MORC1: variants seen among roughly 807,000 people sequenced by gnomAD.
MORC1 encodes MORC family CW-type zinc finger protein 1.
Under a neutral mutation model 134.9 loss-of-function variants are expected in MORC1, and 59 were observed. The ratio of observed to expected loss-of-function variants is 0.44; its 90% CI spans 0.35 to 0.54. The LOEUF (loss-of-function observed/expected upper bound fraction) is 0.54, where lower values mean the gene tolerates loss of function less well. Among genes scored for constraint, MORC1 ranks in the 20% least tolerant of loss-of-function variants. The pLI is 0.00. For synonymous variants in MORC1, 395 were observed against 391.7 expected, an observed-to-expected ratio of 1.01 and a Z score of -0.10; for missense variants, 947 against 1,134.5, an observed-to-expected ratio of 0.83 and a Z score of 2.37.
At position 109,035,483 on chromosome 3, in the gene MORC1, AG is replaced by A. The variant is rs1479207905; in HGVS notation, c.1331-16del. The A allele has an allele frequency of 2.8e-6, 4 of 1,414,988 alleles. No homozygotes were observed. In the Admixed American group the frequency reaches 7.5e-5, roughly 26 times the overall value. The allele number at this position is 1,414,988 out of a possible 1,614,324, so 87.7% of individuals were successfully genotyped here. On this transcript the variant is annotated splice_polypyrimidine_tract_variant and intron_variant, in intron 14 of 27. Transcript: ENST00000232603. ...ATTTCTATTATCTTTTAAAAAAAAAAGCAGGCAAAGAATAACAAAAAAAAAT... is the reference window on the plus strand; with the variant it reads ...ATTTCTATTATCTTTTAAAAAAAAAACAGGCAAAGAATAACAAAAAAAAAT...
chr3:108,983,955 G>A (rs577865193), intron 23 of MORC1, among the ~76,000 whole-genome samples: 13 of 152,220 alleles, frequency 8.5e-5, no homozygotes, highest in African/African-American at 3.1e-4. Flanking sequence ...GAGAGAAGAG[G>A]ATCTGTGCCA....
chr3:108,972,485 C>T (rs2593945), intron 24 of MORC1, among the ~76,000 whole-genome samples: 57 of 152,222 alleles, frequency 3.7e-4, no homozygotes, highest in African/African-American at 1.3e-3. Context: ...AACCGAAAAG[C>T]TGAAAATTCT....
intron 17 of MORC1, among the ~76,000 whole-genome samples, chr3:109,012,333 C>T (rs1168684194): frequency 6.6e-6 from 1 of 152,180 alleles, no homozygotes. Context: ...CAATACCACA[C>T]TGACTTAATT....
chr3:109,006,943 A>T, intron 18 of MORC1, 86 bp downstream of exon 18: 1 of 1,061,860 alleles, frequency 9.4e-7, no homozygotes, highest in Non-Finnish European at 1.4e-6. Context: ...CTCATAAACC[A>T]TGATGACAGT....
At chr3:109,036,937 G>A (rs545236081) in intron 14 of MORC1, among the ~76,000 whole-genome samples, 6 of 152,222 alleles carry the variant, frequency 3.9e-5, no homozygotes, top group Admixed American at 2.6e-4. Flanking sequence ...CTAATCTGCC[G>A]TGTTGACTTA....
At chr3:109,009,789 T>G (rs1291929728) in intron 17 of MORC1, among the ~76,000 whole-genome samples, 2 of 152,114 alleles carry the variant, frequency 1.3e-5, no homozygotes, top group Non-Finnish European at 1.5e-5. Flanking sequence ...CTGGGGACAG[T>G]TTTTCCCTAT....
At chr3:109,072,201 A>C (rs1950334101) in intron 8 of MORC1, among the ~76,000 whole-genome samples, 1 of 152,122 alleles carries the variant, frequency 6.6e-6, no homozygotes, top group African/African-American at 2.4e-5. Context: ...TTAATTCTCC[A>C]GTCTCATCTC....
chr3:109,013,616 G>A (rs545471884), intron 17 of MORC1, among the ~76,000 whole-genome samples: 1 of 152,102 alleles, frequency 6.6e-6, no homozygotes, highest in Non-Finnish European at 1.5e-5. Context: ...ATATGCTACC[G>A]CTGGGCTCTT....
chr3:109,061,414 A>G (rs531965805), intron 11 of MORC1, among the ~76,000 whole-genome samples: 6 of 152,276 alleles, frequency 3.9e-5, no homozygotes, highest in African/African-American at 1.4e-4. Flanking sequence ...TATCTTACTC[A>G]TGGGCATATT....
rs114569817 is a variant in MORC1, at chr3:109,060,020, T to C, written c.967-150A>G. The C allele has an allele frequency of 1.6e-3, 1,031 of 640,748 alleles. 20 individuals carry two copies. In the African/African-American group the frequency reaches 0.018, roughly 11 times the overall value. 39.7% of individuals were successfully genotyped at this position (640,748 alleles called of 1,614,324 possible). ...ACCATCATAGATTCTCAATACTTGA[T>C]AAATTATTCAGTTCCAATACTTTAG... is the stretch of plus-strand genomic sequence containing the variant. On this transcript the variant is annotated intron_variant, in intron 11 of 27. Coordinates refer to ENST00000232603, the MANE Select transcript of MORC1 (RefSeq NM_014429.4).
intron 20 of MORC1, among the ~76,000 whole-genome samples, chr3:109,001,803 C>T (rs1210468605): frequency 6.6e-6 from 1 of 152,118 alleles, no homozygotes; most frequent in Non-Finnish European, 1.5e-5. Flanking sequence ...CTATTTAAAC[C>T]TCACCTCTGA....
intron 8 of MORC1, among the ~76,000 whole-genome samples, chr3:109,070,462 A>G (rs1950294047): frequency 6.6e-6 from 1 of 152,170 alleles, no homozygotes; most frequent in Non-Finnish European, 1.5e-5. Flanking sequence ...ACTCCAGGGA[A>G]CTTCTATATT....
intron 14 of MORC1, among the ~76,000 whole-genome samples, chr3:109,043,446 T>C (rs1949608636): frequency 1.3e-5 from 2 of 152,132 alleles, no homozygotes; most frequent in African/African-American, 2.4e-5. Flanking sequence ...GGGTATAGCA[T>C]TTTAGTTGTG....
In MORC1 at chr3:108,979,562, T is replaced by C. The variant is rs1452768556; in HGVS notation, c.2430A>G (p.Gln810=). 3 of 1,614,058 alleles carry C rather than the reference T, an allele frequency of 1.9e-6. No individual in the cohort carries two copies. The Admixed American group carries it at 5.0e-5, about 27-fold the overall frequency. ...CKVASSPASS[Q]STPVKETVRK... ...TCACTGTTTCCTTGACAGGTGTGCT[T>C]TGAGAAGACGCTGGCGAAGAAGCAA... Residue 810 remains glutamine, a synonymous_variant, in exon 24 of 28, where the codon CAA becomes CAG. Transcript: ENST00000232603.
At chr3:109,010,139 T>C (rs1948649486) in intron 17 of MORC1, among the ~76,000 whole-genome samples, 2 of 152,170 alleles carry the variant, frequency 1.3e-5, no homozygotes, top group South Asian at 4.1e-4. Flanking sequence ...TCTCTCTCTC[T>C]TCTCCCTCTT....
At chr3:108,961,569 C>T (rs1013336285) in intron 27 of MORC1, among the ~76,000 whole-genome samples, 1 of 152,166 alleles carries the variant, frequency 6.6e-6, no homozygotes, top group Non-Finnish European at 1.5e-5. Context: ...CTGCTGTACT[C>T]TACGGCAGTG....
chr3:108,982,938 GT>G (rs59003713), intron 23 of MORC1, among the ~76,000 whole-genome samples: 62,519 of 144,816 alleles, frequency 0.43, 13,823 homozygotes, highest in Middle Eastern at 0.58. Flanking sequence ...ACTAGTTTTG[GT>G]TTTTTTTTAA....
chr3:109,007,824 T>G (rs887052473), intron 17 of MORC1, among the ~76,000 whole-genome samples: 1 of 152,348 alleles, frequency 6.6e-6, no homozygotes, highest in Admixed American at 6.5e-5. Flanking sequence ...GAAGCCTCTT[T>G]ACTACTTCAT....
chr3:108,962,293 G>T (rs1168312964), intron 27 of MORC1, among the ~76,000 whole-genome samples: 1 of 149,516 alleles, frequency 6.7e-6, no homozygotes, highest in Non-Finnish European at 1.5e-5. Flanking sequence ...AAAAAAAAAA[G>T]CTTTTCTGCA....
Sources: gnomAD v4.1 joint callset for allele counts (sites outside exome capture counted in the v4.1 genomes callset) on GRCh38, gnomAD v4.1.1 for gene constraint, MANE v1.5 for transcripts, NCBI Gene and HGNC (gene_info 2026-07-23, HGNC 2026-07-21) for gene names.